The following URB1 variants were observed in gnomAD, a reference collection of about 807,000 sequenced individuals.
The protein encoded by URB1 is nucleolar pre-ribosomal-associated protein 1.
URB1 carries 197 observed loss-of-function variants against 242.3 expected under a neutral mutation model. The observed-to-expected ratio is 0.81, with a 90% CI of 0.72 to 0.91. The LOEUF (loss-of-function observed/expected upper bound fraction) is 0.91, where lower values mean the gene tolerates loss of function less well. URB1 is among the 40% of genes least tolerant of loss of function. The probability of loss-of-function intolerance (pLI) is 0.00; values close to 1 mark genes in which losing one functional copy is unlikely to be tolerated. For missense variants in URB1, 2,721 were observed against 2,860.5 expected, an observed-to-expected ratio of 0.95 and a Z score of 1.11; for synonymous variants, 1,153 against 1,201.8, an observed-to-expected ratio of 0.96 and a Z score of 0.84.
Position 32,338,842 on chromosome 21 carries a change from A to G in URB1, c.4375T>C (p.Tyr1459His). The change falls in exon 26 of 39, where the codon TAC (tyrosine) becomes CAC (histidine). Residue 1459 changes from tyrosine (Y) to histidine (H), a missense_variant. Transcript: ENST00000382751. ...KMLLTAVQLLYSPESSVRTKL... is the reference protein window; with the variant it reads ...KMLLTAVQLLHSPESSVRTKL... ...GTGCGCACGGAGCTTTCTGGGCTGT[A>G]CAGGAGCTGTACGGCGGTGAGGAGC... 6.4e-7 allele frequency: 1 copy of G among 1,551,736 alleles called. No individual in the cohort carries two copies. The highest frequency in any genetic ancestry group is 8.7e-7 in the Non-Finnish European group (1 of 1,146,996).
intron 5 of URB1, among the ~76,000 whole-genome samples, chr21:32,378,073 T>G (rs892677246): frequency 3.2e-4 from 48 of 152,230 alleles, no homozygotes; most frequent in Non-Finnish European, 7.3e-5. Context: ...TAACTTTGTT[T>G]TTTAAAACGA....
In URB1 at chr21:32,313,323, A is replaced by G. The variant is rs2032623726; in HGVS notation, c.*1595T>C. On this transcript the variant is annotated 3_prime_UTR_variant, in exon 39 of 39. Transcript: ENST00000382751. ...TAAACAAGCAGAGGTGCCTATAACCAAAGGAATCCCCAAAGATAGGCCTTG... is the reference window on the plus strand; with the variant it reads ...TAAACAAGCAGAGGTGCCTATAACCGAAGGAATCCCCAAAGATAGGCCTTG... 6.6e-6 allele frequency: 1 copy of G among 152,266 alleles called. No individual in the cohort carries two copies. The highest frequency in any genetic ancestry group is 2.1e-4 in the South Asian group (1 of 4,832). The allele number at this position is 152,266 out of a possible 1,614,324, so 9.4% of individuals were successfully genotyped here. A position where few individuals can be genotyped will look rare whatever the true frequency, so the allele number is the denominator to read the frequency against.
intron 4 of URB1, among the ~76,000 whole-genome samples, chr21:32,379,339 C>T (rs2033495851): frequency 6.6e-6 from 1 of 152,270 alleles, no homozygotes; most frequent in Admixed American, 6.5e-5. Flanking sequence ...GTGCCTGGAT[C>T]CTCCATTGCT....
At chr21:32,378,575 A>G (rs1253834764) in intron 4 of URB1, 34 bp from the exon 5 acceptor site, 5 of 1,510,128 alleles carry the variant, frequency 3.3e-6, no homozygotes, top group African/African-American at 1.4e-5. Context: ...TGTCACATGC[A>G]TATTCCACAT....
chr21:32,350,461 T>C (rs988826941), intron 20 of URB1, among the ~76,000 whole-genome samples: 1 of 152,168 alleles, frequency 6.6e-6, no homozygotes, highest in African/African-American at 2.4e-5. Context: ...CATTCTACTG[T>C]AGGAAGGGCT....
At chr21:32,369,962 C>T (rs1260544868) in intron 8 of URB1, among the ~76,000 whole-genome samples, 1 of 126,980 alleles carries the variant, frequency 7.9e-6, no homozygotes, top group African/African-American at 3.0e-5. Flanking sequence ...AACAACAGAG[C>T]GAGTCTCCAT....
chr21:32,319,952 G>A (rs987163942), intron 35 of URB1, among the ~76,000 whole-genome samples: 15 of 152,182 alleles, frequency 9.9e-5, no homozygotes, highest in East Asian at 1.9e-4. Context: ...GAGCCCTCCC[G>A]CCAAGTGCTG....
At chr21:32,315,445 C>T (rs2032668101) in intron 38 of URB1, among the ~76,000 whole-genome samples, 1 of 152,038 alleles carries the variant, frequency 6.6e-6, no homozygotes, top group African/African-American at 2.4e-5. Flanking sequence ...TCCAGAGTAG[C>T]TGGGACTACA....
At chr21:32,342,775 G>A (rs1230386310) in intron 24 of URB1, among the ~76,000 whole-genome samples, 1 of 152,098 alleles carries the variant, frequency 6.6e-6, no homozygotes, top group Non-Finnish European at 1.5e-5. Flanking sequence ...TTATATACAT[G>A]TTCTCTTTCC....
At chr21:32,360,359 G>A (rs534169524) in intron 13 of URB1, among the ~76,000 whole-genome samples, 21 of 152,226 alleles carry the variant, frequency 1.4e-4, no homozygotes, top group African/African-American at 5.1e-4. Context: ...AATACTAAAT[G>A]GCCACATTCT....
chr21:32,315,354 C>T (rs1250292236), intron 38 of URB1, among the ~76,000 whole-genome samples: 3 of 151,990 alleles, frequency 2.0e-5, no homozygotes, highest in Admixed American at 2.0e-4. Flanking sequence ...CACTCTGTCA[C>T]CCAGACTGGA....
chr21:32,343,168 ACT>A (rs1040233174), intron 24 of URB1, among the ~76,000 whole-genome samples: 1 of 151,742 alleles, frequency 6.6e-6, no homozygotes, highest in African/African-American at 2.4e-5. Flanking sequence ...AATGAGATAG[ACT>A]CTGGGTAATG....
chr21:32,379,718 G>A (rs931926264), intron 4 of URB1, among the ~76,000 whole-genome samples: 29 of 152,132 alleles, frequency 1.9e-4, no homozygotes, highest in African/African-American at 6.8e-4. Flanking sequence ...AGCCGGACAC[G>A]GTGGCTCATG....
At chr21:32,374,080 G>GCTTAAGCTT (rs1441847779) in intron 6 of URB1, among the ~76,000 whole-genome samples, 1 of 152,126 alleles carries the variant, frequency 6.6e-6, no homozygotes, top group Non-Finnish European at 1.5e-5. Context: ...TACTTATGAA[G>GCTTAAGCTT]CATAAGCCTT....
At chr21:32,352,428 C>T (rs1271633085) in intron 19 of URB1, among the ~76,000 whole-genome samples, 1 of 152,126 alleles carries the variant, frequency 6.6e-6, no homozygotes, top group African/African-American at 2.4e-5. Context: ...GAAGAGGCAA[C>T]GCTCCTGCCC....
At position 32,347,726 on chromosome 21, in the gene URB1, G is replaced by A. The variant is rs557741456; in HGVS notation, c.3098C>T (p.Pro1033Leu). 5.9e-5 allele frequency: 92 copies of A among 1,550,456 alleles called. No individual in the cohort carries two copies. In the African/African-American group the frequency reaches 7.2e-4, roughly 12 times the overall value. The change falls in exon 22 of 39, where the codon CCG becomes CTG. Residue 1033 changes from proline to leucine, a missense_variant. Physicochemically the swap from Pro to Leu is moderately conservative, Grantham distance 98. Coordinates refer to ENST00000382751, the MANE Select transcript of URB1 (RefSeq NM_014825.3). ...CACGAGGACAGGGCTGAGCGTGTGCGGCGGGAGGGCCTGCTGCTCCAGGGC... is the reference window on the plus strand; with the variant it reads ...CACGAGGACAGGGCTGAGCGTGTGCAGCGGGAGGGCCTGCTGCTCCAGGGC... ...FLALEQQALP[P>L]HTLSPVLVKL... is the part of the protein sequence containing the mutation.
Position 32,320,580 on chromosome 21 carries a change from T to C in URB1, c.5545A>G (p.Ile1849Val), listed in dbSNP as rs1417274024. Residue 1849 changes from isoleucine to valine, a missense_variant, in exon 35 of 39, where the codon ATA becomes GTA. Coordinates refer to ENST00000382751, the MANE Select transcript of URB1 (RefSeq NM_014825.3). ...CATGTTAAAAGGCTATAGTCTCGTA[T>C]GATTTCATACGCAGATCTGGCAACC... The part of the protein sequence containing the change: ...AQVARSAYEI[I>V]RDYSLLTWIL... 6.4e-7 allele frequency: 1 copy of C among 1,552,052 alleles called. No individual in the cohort carries two copies. The highest frequency in any genetic ancestry group is 2.4e-5 in the East Asian group (1 of 40,912).
At chr21:32,321,752 A>T in intron 34 of URB1, 49 bp downstream of exon 34, 1 of 1,541,686 alleles carries the variant, frequency 6.5e-7, no homozygotes, top group East Asian at 2.5e-5. Context: ...AAATCTTAAG[A>T]AGGGGCACAG....
intron 30 of URB1, among the ~76,000 whole-genome samples, chr21:32,330,083 A>C (rs186022766): frequency 9.2e-4 from 139 of 151,898 alleles, no homozygotes; most frequent in African/African-American, 3.2e-3. Context: ...CCAATGAATG[A>C]GTGTGCTTCC....
Sources: gnomAD v4.1 joint callset for allele counts (sites outside exome capture counted in the v4.1 genomes callset) on GRCh38, gnomAD v4.1.1 for gene constraint, MANE v1.5 for transcripts, NCBI Gene and HGNC (gene_info 2026-07-23, HGNC 2026-07-21) for gene names.